Variants in DNAAF4 observed in about 807,000 individuals in gnomAD.
The protein encoded by DNAAF4 is dynein axonemal assembly factor 4.
Under a neutral mutation model 51.8 loss-of-function variants are expected in DNAAF4, and 43 were observed. The observed-to-expected ratio is 0.83, with a 90% CI of 0.65 to 1.07. The LOEUF (loss-of-function observed/expected upper bound fraction) is 1.07. Ranked by LOEUF, DNAAF4 falls within the 50% of genes least tolerant of loss-of-function variation. The pLI, the probability that DNAAF4 is intolerant of heterozygous loss-of-function variation, is 0.00. For missense variants in DNAAF4, 581 were observed against 493.0 expected (o/e 1.18, Z -1.69); for synonymous variants, 194 against 165.6 (o/e 1.17, Z -1.32).
intron 4 of DNAAF4, 61 bp from the exon 5 acceptor site, chr15:55,467,222 A>G: frequency 7.4e-7 from 1 of 1,353,556 alleles, no homozygotes; most frequent in Non-Finnish European, 1.0e-6. Context: ...TATTTAAATG[A>G]GAAATTCATT....
rs182309396 is a variant in DNAAF4, at chr15:55,465,980, T to C, written c.637+950A>G. On this transcript the variant is annotated intron_variant, in intron 5 of 9. Coordinates refer to ENST00000321149, the MANE Select transcript of DNAAF4 (RefSeq NM_130810.4). ...GGGGTGAGGGATAAAAGACTACACATTGGGTGCAGTGTACACTGCTTGGTT... is the reference window on the plus strand; with the variant it reads ...GGGGTGAGGGATAAAAGACTACACACTGGGTGCAGTGTACACTGCTTGGTT... Among the ~76,000 whole-genome samples, 387 of 152,108 alleles carry C rather than the reference T, an allele frequency of 2.5e-3. 1 individual carries two copies. The highest frequency in any genetic ancestry group is 8.9e-3 in the African/African-American group (369 of 41,476).
At chr15:55,454,423 G>C (rs998147327) in intron 5 of DNAAF4, among the ~76,000 whole-genome samples, 4 of 151,824 alleles carry the variant, frequency 2.6e-5, no homozygotes, top group Non-Finnish European at 5.9e-5. Context: ...TGTTACCCAG[G>C]CTAGAGTGCA....
rs1283856465 is a variant in DNAAF4 at position 55,497,789 on chromosome 15, T to A, written c.194A>T (p.Lys65Met). ...APIDDESSKA[K>M]IGNDTIVFTL... ...GAAGACAATGGTGTCATTCCCAATC[T>A]TTGCTTTGCTGCTCTCATCGTCTAT... The change falls in exon 3 of 10, where the codon AAG (lysine) becomes ATG (methionine). Residue 65 changes from lysine (K) to methionine (M), a missense_variant. Physicochemically the swap from Lys to Met is moderately conservative, Grantham distance 95. Coordinates refer to ENST00000321149, the MANE Select transcript of DNAAF4 (RefSeq NM_130810.4). 4 of 1,612,238 alleles carry A rather than the reference T, an allele frequency of 2.5e-6. No homozygotes were observed.
At chr15:55,435,418 C>G (rs2057591655) in intron 7 of DNAAF4, among the ~76,000 whole-genome samples, 1 of 152,158 alleles carries the variant, frequency 6.6e-6, no homozygotes, top group Non-Finnish European at 1.5e-5. Flanking sequence ...GGGCAAATTT[C>G]TCCCCCTGCT....
intron 4 of DNAAF4, among the ~76,000 whole-genome samples, chr15:55,479,952 C>A (rs2058385956): frequency 6.6e-6 from 1 of 152,148 alleles, no homozygotes; most frequent in Non-Finnish European, 1.5e-5. Flanking sequence ...TGAACATAGA[C>A]CCTTATCAGT....
At chr15:55,467,287 G>C (rs2141507824) in intron 4 of DNAAF4, 126 bp from the exon 5 acceptor site, 2 of 890,246 alleles carry the variant, frequency 2.2e-6, no homozygotes, top group African/African-American at 1.7e-5. Flanking sequence ...TGTAACAATA[G>C]GTAGTAGTGA....
chr15:55,429,733 C>T (rs1318744016), downstream of DNAAF4, among the ~76,000 whole-genome samples: 1 of 151,716 alleles, frequency 6.6e-6, no homozygotes, highest in Non-Finnish European at 1.5e-5. Context: ...AGGAGAATGG[C>T]CTGAACCCAG....
intron 6 of DNAAF4, among the ~76,000 whole-genome samples, chr15:55,444,040 T>C (rs1049997602): frequency 2.6e-5 from 4 of 152,140 alleles, no homozygotes; most frequent in Non-Finnish European, 4.4e-5. Flanking sequence ...AGAGGCTCTT[T>C]AGTTTAATTA....
At chr15:55,481,980 T>G (rs952298096) in intron 4 of DNAAF4, among the ~76,000 whole-genome samples, 1 of 152,240 alleles carries the variant, frequency 6.6e-6, no homozygotes, top group African/African-American at 2.4e-5. Context: ...TACCCAGGAA[T>G]GCTACCAAAT....
intron 5 of DNAAF4, among the ~76,000 whole-genome samples, chr15:55,455,427 CT>C (rs987659128): frequency 7.9e-6 from 1 of 126,290 alleles, no homozygotes; most frequent in African/African-American, 3.3e-5. Flanking sequence ...ATCTAAATGA[CT>C]TTTTTTTGTT....
intron 5 of DNAAF4, among the ~76,000 whole-genome samples, chr15:55,462,901 T>A (rs1031622787): frequency 6.6e-6 from 1 of 152,210 alleles, no homozygotes; most frequent in African/African-American, 2.4e-5. Flanking sequence ...CCGAGTGTGG[T>A]GGCTCATGCC....
intron 4 of DNAAF4, among the ~76,000 whole-genome samples, chr15:55,484,292 G>A (rs1403154156): frequency 1.1e-4 from 17 of 151,940 alleles, no homozygotes; most frequent in Non-Finnish European, 1.8e-4. Context: ...GATCATCCTG[G>A]CTAACATGGT....
At chr15:55,465,652 C>T (rs1243893873) in intron 5 of DNAAF4, among the ~76,000 whole-genome samples, 5 of 151,374 alleles carry the variant, frequency 3.3e-5, no homozygotes, top group African/African-American at 9.7e-5. Context: ...CCATAACCTC[C>T]GCCTCCCAGG....
At chr15:55,504,306 T>C (rs2058715144) in intron 1 of DNAAF4, among the ~76,000 whole-genome samples, 1 of 152,214 alleles carries the variant, frequency 6.6e-6, no homozygotes, top group Non-Finnish European at 1.5e-5. Context: ...TCCATGCTCA[T>C]GGATAGGAAA....
intron 1 of DNAAF4, among the ~76,000 whole-genome samples, chr15:55,499,507 G>A (rs761950938): frequency 3.9e-5 from 6 of 152,182 alleles, no homozygotes; most frequent in Non-Finnish European, 5.9e-5. Context: ...TTTGCAAACT[G>A]TTCCCTGAAA....
chr15:55,495,812 G>C (rs183240743), intron 3 of DNAAF4, among the ~76,000 whole-genome samples: 2 of 152,158 alleles, frequency 1.3e-5, no homozygotes, highest in East Asian at 3.9e-4. Context: ...AACTAAAGAA[G>C]GAAGGAGGAA....
At chr15:55,418,045 T>C (rs1280653974) in exon 8 of DNAAF4, 9 of 1,275,892 alleles carry the variant, frequency 7.1e-6, no homozygotes, top group Non-Finnish European at 6.5e-6. Flanking sequence ...TCAGGCCATC[T>C]GGATGTATAC....
At chr15:55,466,502 G>C (rs906065572) in intron 5 of DNAAF4, among the ~76,000 whole-genome samples, 1 of 152,162 alleles carries the variant, frequency 6.6e-6, no homozygotes, top group Non-Finnish European at 1.5e-5. Context: ...ATTTGCTGTA[G>C]AGTAAGTCTG....
chr15:55,458,693 C>G (rs1239976655), intron 5 of DNAAF4, among the ~76,000 whole-genome samples: 2 of 152,088 alleles, frequency 1.3e-5, no homozygotes, highest in African/African-American at 4.8e-5. Context: ...TCAAAGAACA[C>G]CCGGGGAATT....
Sources: allele counts gnomAD v4.1 joint callset (sites outside exome capture counted in the v4.1 genomes callset), GRCh38; gene constraint gnomAD v4.1.1; transcripts MANE v1.5; gene names NCBI Gene and HGNC (gene_info 2026-07-23, HGNC 2026-07-21).